Variants in NAA35 observed in about 807,000 individuals in gnomAD.
The protein encoded by NAA35 is MAK10 homolog, amino-acid N-acetyltransferase subunit.
A neutral mutation model predicts 101.7 loss-of-function variants in NAA35; 18 were observed. The observed-to-expected ratio is 0.18, with a 90% CI of 0.12 to 0.26. NAA35 has a LOEUF of 0.26. NAA35 is among the 10% of genes least tolerant of loss of function. The pLI is 1.00. For synonymous variants in NAA35, 267 were observed against 273.1 expected (o/e 0.98, Z 0.22); for missense variants, 601 against 886.8 (o/e 0.68, Z 4.09).
At chr9:85,979,930 C>T (rs1830366440) in intron 11 of NAA35, among the ~76,000 whole-genome samples, 1 of 152,170 alleles carries the variant, frequency 6.6e-6, no homozygotes, top group Non-Finnish European at 1.5e-5. Flanking sequence ...GGCTCAGTCC[C>T]CAAGACTGCT....
At chr9:86,017,442 T>G (rs1430982871) in intron 18 of NAA35, 56 bp from the exon 19 acceptor site, 2 of 1,520,032 alleles carry the variant, frequency 1.3e-6, no homozygotes, top group African/African-American at 2.8e-5. Context: ...TTTGCAGTAA[T>G]GCAAGAGGGA....
chr9:85,963,921 G>T (rs1341884188), intron 6 of NAA35, among the ~76,000 whole-genome samples: 4 of 152,260 alleles, frequency 2.6e-5, no homozygotes, highest in African/African-American at 9.6e-5. Context: ...GGAGAAGATA[G>T]TTCACAGAAA....
intron 2 of NAA35, 129 bp downstream of exon 2, chr9:85,942,412 T>G: frequency 8.1e-7 from 1 of 1,235,582 alleles, no homozygotes; most frequent in Non-Finnish European, 1.1e-6. Context: ...TAGCCACACT[T>G]ATTCTGTATC....
intron 11 of NAA35, among the ~76,000 whole-genome samples, chr9:85,992,671 C>T (rs1225457164): frequency 6.6e-6 from 1 of 152,138 alleles, no homozygotes; most frequent in Non-Finnish European, 1.5e-5. Flanking sequence ...TCAAAGATGT[C>T]AGTGTCATGG....
chr9:86,014,454 A>G (rs149497790), intron 17 of NAA35: 1 of 581,856 alleles, frequency 1.7e-6, no homozygotes, highest in Non-Finnish European at 2.2e-6. Flanking sequence ...AGCATATTTT[A>G]GGCATGTAAA....
intron 1 of NAA35, chr9:85,941,839 G>T: frequency 9.5e-7 from 1 of 1,053,362 alleles, no homozygotes; most frequent in Non-Finnish European, 1.1e-6. Flanking sequence ...ATTATTGAAA[G>T]TTGGAAGCTC....
At chr9:85,995,922 G>A (rs1313577418) in intron 11 of NAA35, among the ~76,000 whole-genome samples, 2 of 152,120 alleles carry the variant, frequency 1.3e-5, no homozygotes, top group Non-Finnish European at 2.9e-5. Context: ...TGAGGGTTGA[G>A]GGCAGTGCTG....
At chr9:85,951,618 T>C (rs1455363703) in intron 2 of NAA35, among the ~76,000 whole-genome samples, 1 of 152,210 alleles carries the variant, frequency 6.6e-6, no homozygotes, top group Non-Finnish European at 1.5e-5. Flanking sequence ...AAAATATTGT[T>C]TTCCAAATAT....
At chr9:86,011,941 T>G (rs1371162602) in intron 15 of NAA35, among the ~76,000 whole-genome samples, 1 of 141,862 alleles carries the variant, frequency 7.0e-6, no homozygotes, top group African/African-American at 2.6e-5. Flanking sequence ...TACTATAATA[T>G]ATAATATAGT....
chr9:85,965,007 G>A (rs1213972718), intron 6 of NAA35, among the ~76,000 whole-genome samples: 6 of 152,110 alleles, frequency 3.9e-5, no homozygotes, highest in African/African-American at 1.4e-4. Context: ...TGCAAAATTT[G>A]TATTTTTTTA....
At chr9:86,011,611 G>C (rs1831922436) in intron 15 of NAA35, among the ~76,000 whole-genome samples, 1 of 151,244 alleles carries the variant, frequency 6.6e-6, no homozygotes, top group Non-Finnish European at 1.5e-5. Context: ...CGCCCGTCTT[G>C]GCCTCCCAAA....
In NAA35 at chr9:85,958,579, C is replaced by G; in HGVS notation, c.266C>G (p.Ala89Gly). ...CGAAAAGTTCTCAATTTTGAACAAG[C>G]TATCAAGGTAGTTACCATTGTACTT... Reference protein sequence around the residue: ...VNRKVLNFEQAIKDGTIKIKD... With the variant: ...VNRKVLNFEQGIKDGTIKIKD... Residue 89 changes from alanine to glycine, a missense_variant, in exon 4 of 23, where the codon GCT (alanine) becomes GGT (glycine). This residue lies in a region of NAA35 where 42 missense variants were observed against 41.2 expected (regional missense o/e 1.02). Coordinates refer to ENST00000361671, the MANE Select transcript of NAA35 (RefSeq NM_024635.4). 2 of 1,603,854 alleles carry G rather than the reference C, an allele frequency of 1.2e-6. No homozygotes were observed. The highest frequency in any genetic ancestry group is 1.7e-6 in the Non-Finnish European group (2 of 1,172,980).
chr9:86,006,297 C>G (rs962322067), intron 13 of NAA35, among the ~76,000 whole-genome samples: 1 of 152,156 alleles, frequency 6.6e-6, no homozygotes, highest in Non-Finnish European at 1.5e-5. Context: ...GCAGCTCACA[C>G]TCCTAGTTGA....
At chr9:85,954,423 A>G (rs902699367) in intron 2 of NAA35, among the ~76,000 whole-genome samples, 6 of 152,152 alleles carry the variant, frequency 3.9e-5, no homozygotes, top group Non-Finnish European at 8.8e-5. Flanking sequence ...TGTTTTCCAC[A>G]GTGTCTCGAC....
chr9:86,019,616 G>A (rs1195230255), intron 21 of NAA35, among the ~76,000 whole-genome samples: 3 of 152,094 alleles, frequency 2.0e-5, no homozygotes, highest in Non-Finnish European at 4.4e-5. Context: ...GAAAAAAATT[G>A]TTTCAGGCTT....
In NAA35 at chr9:86,017,550, T is replaced by C. The variant is rs374804759; in HGVS notation, c.1758T>C (p.Cys586=). ...ITMSQAYQNM[C]AGMFKTMVAF... ...TGAGCCAAGCATATCAGAACATGTG[T>C]GCTGGAATGTTTAAAGTAAGTTGTT... The change falls in exon 19 of 23, where the codon TGT becomes TGC. Residue 586 remains cysteine, a synonymous_variant. Transcript: ENST00000361671. The C allele has an allele frequency of 9.9e-6, 16 of 1,613,238 alleles. No individual in the cohort carries two copies. Among genetic ancestry groups the C allele is most frequent in the African/African-American group, 1.3e-5 (1 of 74,926 alleles).
chr9:86,009,878 A>C lies in NAA35; in HGVS notation c.1237A>C (p.Asn413His). The C allele has an allele frequency of 6.2e-7, 1 of 1,612,774 alleles. No homozygotes were observed. Among genetic ancestry groups the C allele is most frequent in the African/African-American group, 1.3e-5 (1 of 75,000 alleles). The change falls in exon 15 of 23, where the codon AAT (asparagine) becomes CAT (histidine). Residue 413 changes from asparagine (N) to histidine (H), a missense_variant. Coordinates refer to ENST00000361671, the MANE Select transcript of NAA35 (RefSeq NM_024635.4). ...GTTATCTTGCAGGTGCTACCTATAT[A>C]ATAATCACCAGGCTAAGGACTGTAT... The part of the protein sequence containing the change: ...PVLSPKCYLY[N>H]NHQAKDCIDS...
At chr9:85,956,929 A>C (rs1372559820) in intron 3 of NAA35, among the ~76,000 whole-genome samples, 1 of 152,138 alleles carries the variant, frequency 6.6e-6, no homozygotes, top group Non-Finnish European at 1.5e-5. Context: ...AGCAGTGGGG[A>C]GTGGCATGTG....
chr9:85,950,488 G>A (rs1380131631), intron 2 of NAA35, among the ~76,000 whole-genome samples: 1 of 152,068 alleles, frequency 6.6e-6, no homozygotes, highest in East Asian at 1.9e-4. Flanking sequence ...CAGGTGAACC[G>A]CCTGCCTTGG....
Sources: allele counts gnomAD v4.1 joint callset (sites outside exome capture counted in the v4.1 genomes callset), GRCh38; gene constraint gnomAD v4.1.1; regional missense constraint gnomAD v4.1.1; transcripts MANE v1.5; gene names NCBI Gene and HGNC (gene_info 2026-07-23, HGNC 2026-07-21).